Variants in UBXN2A observed in about 807,000 individuals in gnomAD.
The protein encoded by UBXN2A is UBX domain-containing protein 2A.
UBXN2A carries 28 observed loss-of-function variants against 28.4 expected under a neutral mutation model. That is an observed-to-expected ratio of 0.99 (90% CI 0.73 to 1.35). The LOEUF is 1.35. Among genes scored for constraint, UBXN2A ranks in the 40% most tolerant of loss-of-function variants. The probability of loss-of-function intolerance (pLI) is 0.00; values close to 1 mark genes in which losing one functional copy is unlikely to be tolerated. For missense variants in UBXN2A, 253 were observed against 297.9 expected, an observed-to-expected ratio of 0.85 and a Z score of 1.11; for synonymous variants, 97 against 103.6, an observed-to-expected ratio of 0.94 and a Z score of 0.39.
intron 6 of UBXN2A, among the ~76,000 whole-genome samples, chr2:23,994,000 T>A (rs1708445393): frequency 6.6e-6 from 1 of 152,196 alleles, no homozygotes; most frequent in African/African-American, 2.4e-5. Context: ...ATCTCTTTAA[T>A]TGCTTATCTA....
At chr2:23,969,336 C>A (rs564066809) in intron 2 of UBXN2A, among the ~76,000 whole-genome samples, 32 of 151,994 alleles carry the variant, frequency 2.1e-4, no homozygotes, top group African/African-American at 7.7e-4. Flanking sequence ...CAGGAGTTTG[C>A]GATAAGCCTG....
chr2:23,930,799 G>A (rs556205471), intron 1 of UBXN2A, among the ~76,000 whole-genome samples: 7 of 152,066 alleles, frequency 4.6e-5, no homozygotes, highest in Admixed American at 1.3e-4. Context: ...TAGGAGAATC[G>A]CTTGAGCTCA....
intron 2 of UBXN2A, among the ~76,000 whole-genome samples, chr2:23,963,549 G>C (rs140869910): frequency 2.0e-5 from 3 of 151,788 alleles, no homozygotes; most frequent in Admixed American, 6.6e-5. Context: ...ACAGGTATAT[G>C]TTCAGTGTCA....
chr2:23,999,428 C>T (rs1391094462), intron 6 of UBXN2A, among the ~76,000 whole-genome samples: 1 of 152,088 alleles, frequency 6.6e-6, no homozygotes, highest in African/African-American at 2.4e-5. Flanking sequence ...TATATATTAA[C>T]ATATCCAGAG....
intron 6 of UBXN2A, among the ~76,000 whole-genome samples, chr2:23,992,497 T>G (rs1708390248): frequency 6.6e-6 from 1 of 152,232 alleles, no homozygotes; most frequent in Non-Finnish European, 1.5e-5. Context: ...GTTCCTTTCC[T>G]CTGGGTATAC....
intron 1 of UBXN2A, among the ~76,000 whole-genome samples, chr2:23,940,868 C>G: frequency 1.1e-5 from 1 of 92,524 alleles, no homozygotes; most frequent in East Asian, 4.3e-4. Flanking sequence ...TGAGCGGCGA[C>G]CCCGAGCCCC....
intron 2 of UBXN2A, among the ~76,000 whole-genome samples, chr2:23,964,823 T>C (rs1351299971): frequency 2.6e-5 from 4 of 152,196 alleles, no homozygotes; most frequent in African/African-American, 7.2e-5. Flanking sequence ...TGTACTTTTA[T>C]TATTATAGGA....
intron 6 of UBXN2A, among the ~76,000 whole-genome samples, chr2:23,999,094 T>C (rs540014760): frequency 6.6e-6 from 1 of 152,226 alleles, no homozygotes; most frequent in Non-Finnish European, 1.5e-5. Context: ...AGTGAATTGA[T>C]TGAATGAGAG....
intron 6 of UBXN2A, among the ~76,000 whole-genome samples, chr2:23,990,005 A>G (rs1708293721): frequency 6.6e-6 from 1 of 152,286 alleles, no homozygotes; most frequent in South Asian, 2.1e-4. Context: ...TAACACATTT[A>G]TTTAATCAGT....
chr2:23,986,744 A>T (rs1203631575), intron 6 of UBXN2A, among the ~76,000 whole-genome samples: 1 of 151,592 alleles, frequency 6.6e-6, no homozygotes, highest in Non-Finnish European at 1.5e-5. Flanking sequence ...AGTAGCTGGG[A>T]TTACAGGCAC....
chr2:23,956,161 A>T (rs761341470), intron 1 of UBXN2A, among the ~76,000 whole-genome samples: 2 of 141,462 alleles, frequency 1.4e-5, no homozygotes, highest in Non-Finnish European at 3.1e-5. Context: ...ACCATACCTG[A>T]CCTCATCTTT....
intron 5 of UBXN2A, among the ~76,000 whole-genome samples, chr2:23,983,922 C>A (rs1166825155): frequency 6.6e-6 from 1 of 152,178 alleles, no homozygotes; most frequent in Non-Finnish European, 1.5e-5. Context: ...GTGATCCACC[C>A]ACCTCGGCCT....
chr2:23,987,305 G>A (rs950952629), intron 6 of UBXN2A, among the ~76,000 whole-genome samples: 14 of 152,090 alleles, frequency 9.2e-5, no homozygotes, highest in Admixed American at 8.5e-4. Context: ...TACCTTATGT[G>A]TCTTTCTGTG....
At chr2:23,949,116 C>CTTTTTTTTTTTTTTTTTTT (rs1223944833) in intron 1 of UBXN2A, among the ~76,000 whole-genome samples, 1 of 127,060 alleles carries the variant, frequency 7.9e-6, no homozygotes, top group Non-Finnish European at 1.7e-5. Context: ...ATTTTTTTTT[C>CTTTTTTTTTTTTTTTTTTT]TTTTTTTTTT....
At chr2:23,941,710 G>C (rs550930218) in intron 1 of UBXN2A, among the ~76,000 whole-genome samples, 78 of 152,140 alleles carry the variant, frequency 5.1e-4, no homozygotes, top group Non-Finnish European at 9.0e-4. Context: ...GAATGCTAAG[G>C]ATACAATAGT....
intron 1 of UBXN2A, chr2:23,944,044 C>T (rs1419094034): frequency 1.7e-5 from 10 of 578,210 alleles, no homozygotes; most frequent in East Asian, 1.0e-4. Context: ...CTTCCTATGT[C>T]GATGTCCATC....
intron 2 of UBXN2A, among the ~76,000 whole-genome samples, chr2:23,969,337 G>A (rs1018305278): frequency 8.6e-5 from 13 of 151,906 alleles, no homozygotes; most frequent in Non-Finnish European, 1.5e-4. Context: ...AGGAGTTTGC[G>A]ATAAGCCTGG....
intron 6 of UBXN2A, among the ~76,000 whole-genome samples, chr2:23,992,820 T>G (rs1177839081): frequency 6.6e-6 from 1 of 152,252 alleles, no homozygotes; most frequent in Non-Finnish European, 1.5e-5. Flanking sequence ...ATTTTTCTAC[T>G]TACTTTTAAT....
intron 4 of UBXN2A, among the ~76,000 whole-genome samples, chr2:23,980,845 T>G (rs2150889834): frequency 6.6e-6 from 1 of 152,314 alleles, no homozygotes; most frequent in South Asian, 2.1e-4. Flanking sequence ...CAGGCTGGTC[T>G]TGAACTCCTG....
Sources: gnomAD v4.1 joint callset for allele counts (sites outside exome capture counted in the v4.1 genomes callset) on GRCh38, gnomAD v4.1.1 for gene constraint, MANE v1.5 for transcripts, NCBI Gene and HGNC (gene_info 2026-07-23, HGNC 2026-07-21) for gene names.